The following CPPED1 variants were observed in gnomAD, a reference collection of about 807,000 sequenced individuals.
CPPED1 encodes the protein calcineurin like phosphoesterase domain containing 1, also known as serine/threonine-protein phosphatase CPPED1.
Under a neutral mutation model 28.0 loss-of-function variants are expected in CPPED1, and 28 were observed. That is an observed-to-expected ratio of 1.00 (90% CI 0.74 to 1.37). CPPED1 has a LOEUF of 1.37. Ranked by LOEUF, CPPED1 falls within the 40% of genes most tolerant of loss-of-function variation. The pLI, the probability that CPPED1 is intolerant of heterozygous loss-of-function variation, is 0.00. For synonymous variants in CPPED1, 198 were observed against 180.2 expected, an observed-to-expected ratio of 1.10 and a Z score of -0.79; for missense variants, 504 against 416.5, an observed-to-expected ratio of 1.21 and a Z score of -1.83.
At chr16:12,786,973 T>C (rs1245196603) in intron 1 of CPPED1, among the ~76,000 whole-genome samples, 1 of 152,214 alleles carries the variant, frequency 6.6e-6, no homozygotes, top group Non-Finnish European at 1.5e-5. Context: ...TATTACTACA[T>C]GACTTCATGG....
At chr16:12,793,688 A>G (rs2080609950) in intron 1 of CPPED1, among the ~76,000 whole-genome samples, 1 of 152,212 alleles carries the variant, frequency 6.6e-6, no homozygotes, top group Non-Finnish European at 1.5e-5. Context: ...TACCATTCAC[A>G]GTAACCCCTA....
At chr16:12,693,535 T>C (rs963426770) in intron 3 of CPPED1, among the ~76,000 whole-genome samples, 3 of 152,286 alleles carry the variant, frequency 2.0e-5, no homozygotes, top group African/African-American at 7.2e-5. Context: ...TCAATTCATA[T>C]GCAAACATTT....
At chr16:12,761,389 G>A (rs1035152595) in intron 2 of CPPED1, among the ~76,000 whole-genome samples, 2 of 152,118 alleles carry the variant, frequency 1.3e-5, no homozygotes, top group Non-Finnish European at 2.9e-5. Flanking sequence ...TCAGCTGGGC[G>A]GTGCTGGGCA....
intron 1 of CPPED1, among the ~76,000 whole-genome samples, chr16:12,789,037 G>A (rs1046441485): frequency 3.9e-5 from 6 of 152,184 alleles, no homozygotes; most frequent in African/African-American, 7.2e-5. Flanking sequence ...CCCAGGCAGC[G>A]TTTATAAACT....
In CPPED1 at chr16:12,704,966, T is replaced by G; in HGVS notation, c.373A>C (p.Ser125Arg). 1 of 1,614,234 alleles carries G rather than the reference T, an allele frequency of 6.2e-7. No individual in the cohort carries two copies. The highest frequency in any genetic ancestry group is 8.5e-7 in the Non-Finnish European group (1 of 1,180,050). Residue 125 changes from serine to arginine, a missense_variant, in exon 3 of 4, where the codon AGC (serine) becomes CGC (arginine). Transcript: ENST00000381774. ...GTGTTGCCAATGTCATGGTTGCCGC[T>G]GACAAGGACCAGTGGGATGGCCCTG... ...VDRAIPLVLV[S>R]GNHDIGNTPT...
chr16:12,704,148 T>C (rs2080035343), intron 3 of CPPED1, among the ~76,000 whole-genome samples: 1 of 152,186 alleles, frequency 6.6e-6, no homozygotes, highest in Non-Finnish European at 1.5e-5. Flanking sequence ...TCGTCTGCCC[T>C]TGAGCAAGGT....
chr16:12,678,283 T>A (rs74011940), intron 3 of CPPED1, among the ~76,000 whole-genome samples: 1,700 of 152,360 alleles, frequency 0.011, 26 homozygotes, highest in African/African-American at 0.039. Flanking sequence ...GCATCTGTCC[T>A]GACGGTCAGA....
At chr16:12,767,659 A>T (rs2080447090) in intron 2 of CPPED1, among the ~76,000 whole-genome samples, 1 of 152,218 alleles carries the variant, frequency 6.6e-6, no homozygotes. Context: ...AAAGAAACCT[A>T]CGCCGAGAAA....
At position 12,662,671 on chromosome 16, in the gene CPPED1, A is replaced by T. The variant is rs2141161233; in HGVS notation, c.*2215T>A. 6.6e-6 allele frequency: 1 copy of T among 152,384 alleles called. No homozygotes were observed. Among genetic ancestry groups the T allele is most frequent in the East Asian group, 1.9e-4 (1 of 5,190 alleles). 9.4% of individuals were successfully genotyped at this position (152,384 alleles called of 1,614,324 possible). Reference sequence around the variant, plus strand: ...TCTAAGTTATTTCACTTAAGATAACAGCCTCCAGTTCCATCCAGGTTGCTG... The same window carrying T: ...TCTAAGTTATTTCACTTAAGATAACTGCCTCCAGTTCCATCCAGGTTGCTG... On this transcript the variant is annotated 3_prime_UTR_variant, in exon 4 of 4. Coordinates refer to ENST00000381774, the MANE Select transcript of CPPED1 (RefSeq NM_018340.3).
At chr16:12,675,437 A>G (rs999804045) in intron 3 of CPPED1, among the ~76,000 whole-genome samples, 19 of 152,206 alleles carry the variant, frequency 1.2e-4, no homozygotes, top group Non-Finnish European at 8.8e-5. Flanking sequence ...TCTCCACGGT[A>G]TCAAGTCATG....
chr16:12,716,152 T>C (rs2080105974), intron 2 of CPPED1, among the ~76,000 whole-genome samples: 1 of 152,216 alleles, frequency 6.6e-6, no homozygotes, highest in African/African-American at 2.4e-5. Context: ...AAATATGTAA[T>C]TGTGAATGTC....
chr16:12,667,760 TAGATTAAGATCAGC>T (rs2079833277), intron 3 of CPPED1, among the ~76,000 whole-genome samples: 2 of 152,136 alleles, frequency 1.3e-5, no homozygotes, highest in South Asian at 4.2e-4. Context: ...ATTCAAAGGA[TAGATTAAGATCAGC>T]AGAAGTTTAG....
chr16:12,755,803 AG>A (rs2080362679), intron 2 of CPPED1, among the ~76,000 whole-genome samples: 1 of 152,144 alleles, frequency 6.6e-6, no homozygotes, highest in Non-Finnish European at 1.5e-5. Context: ...TTTGCATGGC[AG>A]GGGCGTGGTG....
intron 2 of CPPED1, among the ~76,000 whole-genome samples, chr16:12,761,811 G>A (rs769111229): frequency 3.3e-5 from 5 of 152,140 alleles, no homozygotes; most frequent in Admixed American, 6.5e-5. Context: ...AGGAGTTCGA[G>A]ACCAGCTTGG....
intron 2 of CPPED1, among the ~76,000 whole-genome samples, chr16:12,723,879 C>T (rs570525662): frequency 5.5e-4 from 83 of 152,226 alleles, no homozygotes; most frequent in Non-Finnish European, 4.3e-4. Context: ...CTCCACCACA[C>T]GGGGAAAAGC....
intron 3 of CPPED1, among the ~76,000 whole-genome samples, chr16:12,676,083 G>T (rs2079876236): frequency 1.3e-5 from 2 of 152,098 alleles, no homozygotes; most frequent in Admixed American, 1.3e-4. Context: ...GTCGTCAATT[G>T]GGGAATTCTA....
At chr16:12,795,531 G>T (rs1596488716) in intron 1 of CPPED1, among the ~76,000 whole-genome samples, 1 of 152,270 alleles carries the variant, frequency 6.6e-6, no homozygotes, top group African/African-American at 2.4e-5. Flanking sequence ...GTACAGATGG[G>T]GTTTCACCAT....
chr16:12,732,461 C>T (rs2080203859), intron 2 of CPPED1, among the ~76,000 whole-genome samples: 1 of 126,108 alleles, frequency 7.9e-6, no homozygotes, highest in Non-Finnish European at 1.7e-5. Flanking sequence ...AACACACACA[C>T]ACACAAACAC....
chr16:12,791,580 A>C (rs8045547), intron 1 of CPPED1, among the ~76,000 whole-genome samples: 49,358 of 151,704 alleles, frequency 0.33, 11,201 homozygotes, highest in African/African-American at 0.64. Flanking sequence ...GCCCCACCTT[A>C]CCGTTCCCAT....
Sources: allele counts gnomAD v4.1 joint callset (sites outside exome capture counted in the v4.1 genomes callset), GRCh38; gene constraint gnomAD v4.1.1; transcripts MANE v1.5; gene names NCBI Gene and HGNC (gene_info 2026-07-23, HGNC 2026-07-21).